Variants in VPS13B observed in about 807,000 individuals in gnomAD.
The protein encoded by VPS13B is vacuolar protein sorting 13 homolog B.
VPS13B carries 285 observed loss-of-function variants against 426.4 expected under a neutral mutation model. That is an observed-to-expected ratio of 0.67 (90% confidence interval 0.61 to 0.74). The LOEUF is 0.74. Among genes scored for constraint, VPS13B ranks in the 30% least tolerant of loss-of-function variants. The pLI is 0.00. For missense variants in VPS13B, 4,537 were observed against 4,782.6 expected (o/e 0.95, Z 1.51); for synonymous variants, 1,676 against 1,676.4 (o/e 1.00, Z 0.01).
At chr8:99,353,900 T>C (rs1024336122) in intron 19 of VPS13B, among the ~76,000 whole-genome samples, 5 of 152,296 alleles carry the variant, frequency 3.3e-5, no homozygotes, top group Admixed American at 6.5e-5. Context: ...TCTATGATTT[T>C]ATGTAATTGT....
chr8:99,086,308 A>G (rs868157866), intron 3 of VPS13B, among the ~76,000 whole-genome samples: 9 of 152,216 alleles, frequency 5.9e-5, no homozygotes, highest in Middle Eastern at 3.4e-3. Context: ...TTTCAGCTCC[A>G]TCAGATCCTT....
chr8:99,508,509 A>G (rs1821621875), intron 28 of VPS13B, among the ~76,000 whole-genome samples: 1 of 152,096 alleles, frequency 6.6e-6, no homozygotes, highest in Non-Finnish European at 1.5e-5. Flanking sequence ...TTAATAGTGT[A>G]TTTGCATAGC....
At chr8:99,842,045 C>A (rs1366386116) in intron 54 of VPS13B, among the ~76,000 whole-genome samples, 1 of 152,160 alleles carries the variant, frequency 6.6e-6, no homozygotes, top group African/African-American at 2.4e-5. Flanking sequence ...CACCTCTTCC[C>A]GCCTTTCAAA....
intron 17 of VPS13B, chr8:99,233,221 A>T: frequency 7.8e-7 from 1 of 1,276,060 alleles, no homozygotes. Flanking sequence ...AGGCACAATG[A>T]TTTCTGCACT....
At chr8:99,202,460 T>C (rs1304735623) in intron 17 of VPS13B, among the ~76,000 whole-genome samples, 1 of 152,078 alleles carries the variant, frequency 6.6e-6, no homozygotes, top group African/African-American at 2.4e-5. Context: ...AAGAAATGGG[T>C]AAATTCCTGG....
rs75333906 is a variant in VPS13B, at chr8:99,475,498, A to T, written c.3667-6101A>T. 6.1e-3 allele frequency among the ~76,000 whole-genome samples: 933 copies of T among 152,296 alleles called. 12 individuals are homozygous for T. Among genetic ancestry groups the T allele is most frequent in the African/African-American group, 0.02 (849 of 41,580 alleles). ...ACAAAAAATATTCTTAGACTCCACT[A>T]TTATTCATATTTTTAAAATTTTCTT... On this transcript the variant is annotated intron_variant, in intron 24 of 61. Coordinates refer to ENST00000357162, the MANE Select transcript of VPS13B (RefSeq NM_152564.5).
intron 33 of VPS13B, among the ~76,000 whole-genome samples, chr8:99,597,835 G>C (rs1164869074): frequency 6.6e-6 from 1 of 151,958 alleles, no homozygotes; most frequent in African/African-American, 2.4e-5. Context: ...CTGATCAGAT[G>C]TTCTTACAGT....
At chr8:99,539,334 G>C (rs1040790657) in intron 30 of VPS13B, among the ~76,000 whole-genome samples, 2 of 152,230 alleles carry the variant, frequency 1.3e-5, no homozygotes, top group Non-Finnish European at 2.9e-5. Context: ...TATTTAATAA[G>C]AATGATGTAT....
At chr8:99,621,412 GCTATATATAATCTT>G (rs1338936543) in intron 33 of VPS13B, among the ~76,000 whole-genome samples, 2 of 152,080 alleles carry the variant, frequency 1.3e-5, no homozygotes, top group Admixed American at 6.5e-5. Flanking sequence ...TCCCTCCCCT[GCTATATATAATCTT>G]CTTGTCCCCA....
At chr8:99,435,444 A>G (rs1817320479) in intron 22 of VPS13B, among the ~76,000 whole-genome samples, 1 of 152,154 alleles carries the variant, frequency 6.6e-6, no homozygotes, top group South Asian at 2.1e-4. Context: ...AACTCTGGGA[A>G]AATATTCCAA....
At chr8:99,059,565 T>A (rs1367104500) in intron 3 of VPS13B, among the ~76,000 whole-genome samples, 1 of 152,140 alleles carries the variant, frequency 6.6e-6, no homozygotes, top group Non-Finnish European at 1.5e-5. Context: ...GAAGGCTGAC[T>A]GTAAGGTATT....
At chr8:99,371,964 A>G (rs1384512371) in intron 19 of VPS13B, among the ~76,000 whole-genome samples, 1 of 152,192 alleles carries the variant, frequency 6.6e-6, no homozygotes, top group African/African-American at 2.4e-5. Context: ...ATGGGCAAAG[A>G]CTTCATGACT....
At chr8:99,209,596 TG>T in intron 17 of VPS13B, 1 of 280,416 alleles carries the variant, frequency 3.6e-6, no homozygotes, top group South Asian at 4.1e-5. Flanking sequence ...TTGTAGAGAT[TG>T]GGTCTTGCTA....
intron 30 of VPS13B, among the ~76,000 whole-genome samples, chr8:99,541,696 GA>G (rs997400073): frequency 6.6e-6 from 1 of 152,074 alleles, no homozygotes; most frequent in African/African-American, 2.4e-5. Context: ...ATAAGATGGG[GA>G]AAAAGATTTT....
intron 19 of VPS13B, among the ~76,000 whole-genome samples, chr8:99,374,430 T>C (rs1813363719): frequency 6.6e-6 from 1 of 152,132 alleles, no homozygotes; most frequent in African/African-American, 2.4e-5. Context: ...TATCTACCCT[T>C]TTTAATTATT....
chr8:99,524,933 A>G (rs149899763), intron 30 of VPS13B, among the ~76,000 whole-genome samples: 4 of 152,348 alleles, frequency 2.6e-5, no homozygotes, highest in African/African-American at 9.6e-5. Context: ...TTGTATACGC[A>G]GTGAGAATAT....
At chr8:99,241,251 CATAAG>C (rs1326594405) in intron 17 of VPS13B, 1 of 152,068 alleles carries the variant, frequency 6.6e-6, no homozygotes, top group East Asian at 1.9e-4. Flanking sequence ...AATATGAACT[CATAAG>C]ATGATTAGGA....
chr8:99,746,278 C>A (rs1345658861), intron 39 of VPS13B, among the ~76,000 whole-genome samples: 1 of 152,062 alleles, frequency 6.6e-6, no homozygotes, highest in African/African-American at 2.4e-5. Context: ...TGTATCACAA[C>A]AGGAGGCAAG....
intron 3 of VPS13B, among the ~76,000 whole-genome samples, chr8:99,090,354 A>G (rs1264591865): frequency 2.0e-5 from 3 of 148,358 alleles, no homozygotes; most frequent in African/African-American, 5.0e-5. Context: ...TGCAACCTCT[A>G]CTTCCCTGGT....
Sources: allele counts gnomAD v4.1 joint callset (sites outside exome capture counted in the v4.1 genomes callset), GRCh38; gene constraint gnomAD v4.1.1; transcripts MANE v1.5; gene names NCBI Gene and HGNC (gene_info 2026-07-23, HGNC 2026-07-21).